The following LRP1B variants were observed in gnomAD, a reference collection of about 807,000 sequenced individuals.
The protein encoded by LRP1B is LDL receptor related protein 1B, also known as low-density lipoprotein receptor-related protein 1B.
LRP1B carries 217 observed loss-of-function variants against 556.6 expected under a neutral mutation model. The observed-to-expected ratio is 0.39, with a 90% CI of 0.35 to 0.44. The LOEUF (loss-of-function observed/expected upper bound fraction) is 0.44, where lower values mean the gene tolerates loss of function less well. LRP1B is among the 20% of genes least tolerant of loss of function. The pLI, the probability that LRP1B is intolerant of heterozygous loss-of-function variation, is 1.00. For missense variants in LRP1B, 5,053 were observed against 5,620.8 expected (o/e 0.90, Z 3.23); for synonymous variants, 2,047 against 1,865.8 (o/e 1.10, Z -2.50).
chr2:141,163,002 G>A (rs1003566336), intron 7 of LRP1B, among the ~76,000 whole-genome samples: 1 of 152,060 alleles, frequency 6.6e-6, no homozygotes, highest in African/African-American at 2.4e-5. Flanking sequence ...GGAGGAAAGA[G>A]GTTTGTCATC....
intron 27 of LRP1B, among the ~76,000 whole-genome samples, chr2:140,859,054 A>G (rs1692705484): frequency 6.6e-6 from 1 of 152,216 alleles, no homozygotes; most frequent in South Asian, 2.1e-4. Flanking sequence ...TTGTGAGCTC[A>G]AGTGATTTGC....
At chr2:141,048,473 A>C (rs1241806241) in intron 11 of LRP1B, among the ~76,000 whole-genome samples, 2 of 152,106 alleles carry the variant, frequency 1.3e-5, no homozygotes. Flanking sequence ...AAATGTTTTA[A>C]GTTTCTCTGG....
At chr2:141,839,313 T>G (rs1170846215) in intron 1 of LRP1B, among the ~76,000 whole-genome samples, 5 of 152,174 alleles carry the variant, frequency 3.3e-5, no homozygotes, top group African/African-American at 1.2e-4. Context: ...ACTAATGCTT[T>G]TATCAAGCCA....
chr2:140,588,356 T>C (rs1682071718), intron 43 of LRP1B, among the ~76,000 whole-genome samples: 1 of 152,198 alleles, frequency 6.6e-6, no homozygotes, highest in Non-Finnish European at 1.5e-5. Context: ...TAAATGGTGA[T>C]GCTTGTAGAC....
intron 43 of LRP1B, among the ~76,000 whole-genome samples, chr2:140,556,986 A>G (rs1318385055): frequency 6.6e-6 from 1 of 152,132 alleles, no homozygotes; most frequent in Non-Finnish European, 1.5e-5. Flanking sequence ...TAATATATCA[A>G]ATTAAAAGGC....
rs192928151 is a variant in LRP1B at position 141,985,517 on chromosome 2, G to T, written c.82+145131C>A. On this transcript the variant is annotated intron_variant, in intron 1 of 90. Coordinates refer to ENST00000389484, the MANE Select transcript of LRP1B (RefSeq NM_018557.3). ...AACAGACGAGAATTTTTATTTTTTT[G>T]GGGGGGGTATCTTTTCCATATTCAC... Among the ~76,000 whole-genome samples the T allele has an allele frequency of 1.1e-3, 107 of 99,366 alleles. 1 individual carries two copies. Among genetic ancestry groups the T allele is most frequent in the East Asian group, 1.8e-3 (7 of 3,978 alleles). 65.2% of individuals were successfully genotyped at this position (99,366 alleles called of 152,430 possible).
chr2:142,103,850 T>C (rs1477330479), intron 1 of LRP1B, among the ~76,000 whole-genome samples: 1 of 152,084 alleles, frequency 6.6e-6, no homozygotes, highest in East Asian at 1.9e-4. Flanking sequence ...CTACCGTGTA[T>C]AAGAAAAAGC....
At chr2:141,099,249 C>A (rs1328546660) in intron 7 of LRP1B, among the ~76,000 whole-genome samples, 1 of 152,058 alleles carries the variant, frequency 6.6e-6, no homozygotes, top group Non-Finnish European at 1.5e-5. Context: ...CTTAAAATAG[C>A]CTTTTTTCCT....
At chr2:141,109,842 C>T (rs1700703744) in intron 7 of LRP1B, among the ~76,000 whole-genome samples, 3 of 152,148 alleles carry the variant, frequency 2.0e-5, no homozygotes, top group Admixed American at 2.0e-4. Flanking sequence ...ACCCTGTCAG[C>T]TTTGATAGTG....
chr2:142,103,161 C>A (rs1706624879), intron 1 of LRP1B, among the ~76,000 whole-genome samples: 1 of 151,920 alleles, frequency 6.6e-6, no homozygotes, highest in Admixed American at 6.6e-5. Context: ...ATTTTGCTAA[C>A]AAGTTATCCA....
chr2:140,656,726 TG>T (rs1684892102), intron 41 of LRP1B, among the ~76,000 whole-genome samples: 1 of 152,136 alleles, frequency 6.6e-6, no homozygotes. Flanking sequence ...AAAAGTTTTT[TG>T]GGGTTCACTT....
intron 3 of LRP1B, among the ~76,000 whole-genome samples, chr2:141,314,588 G>A (rs1248502195): frequency 2.0e-5 from 3 of 151,472 alleles, no homozygotes; most frequent in Non-Finnish European, 4.4e-5. Flanking sequence ...TCAGGAGATC[G>A]AGACCATCTT....
At position 141,574,134 on chromosome 2, in the gene LRP1B, C is replaced by T. The variant is rs1010760027; in HGVS notation, c.206-93601G>A. Among the ~76,000 whole-genome samples the T allele has an allele frequency of 4.6e-5, 7 of 152,072 alleles. 1 individual carries two copies. Among genetic ancestry groups the T allele is most frequent in the African/African-American group, 7.2e-5 (3 of 41,410 alleles). ...TCCTGATACCAAAACCAGGAAGAGA[C>T]ACAACAAAAAAAGAGAACTTCAGGC... is the stretch of plus-strand genomic sequence containing the variant. On this transcript the variant is annotated intron_variant, in intron 2 of 90. Coordinates refer to ENST00000389484, the MANE Select transcript of LRP1B (RefSeq NM_018557.3).
In LRP1B at chr2:140,458,652, C is replaced by T. The variant is rs530168259; in HGVS notation, c.9626-1001G>A. ...TATTTCTAGTAATATTTACTTCTTT[C>T]TTAATTAGATTTTAATGACTGAAAA... is the stretch of plus-strand genomic sequence containing the variant. On this transcript the variant is annotated intron_variant, in intron 60 of 90. Coordinates refer to ENST00000389484, the MANE Select transcript of LRP1B (RefSeq NM_018557.3). Among the ~76,000 whole-genome samples the T allele has an allele frequency of 1.9e-3, 287 of 152,094 alleles. 2 individuals carry two copies. Among genetic ancestry groups the T allele is most frequent in the Middle Eastern group, 6.9e-3 (2 of 288 alleles).
chr2:140,474,045 G>A (rs183290129), intron 60 of LRP1B, among the ~76,000 whole-genome samples: 14 of 151,938 alleles, frequency 9.2e-5, no homozygotes, highest in Non-Finnish European at 1.8e-4. Context: ...CAACACCTAA[G>A]TAAGTGACTC....
intron 1 of LRP1B, among the ~76,000 whole-genome samples, chr2:141,905,763 AGATGTGTGTGTGTGTG>A (rs1337319613): frequency 2.6e-5 from 3 of 115,156 alleles, no homozygotes; most frequent in Admixed American, 2.5e-4. Context: ...TGGTTTGAAT[AGATGTGTGTGTGTGTG>A]TGTGTGTGTG....
At chr2:140,753,116 C>T (rs778831864) in intron 35 of LRP1B, among the ~76,000 whole-genome samples, 1 of 152,148 alleles carries the variant, frequency 6.6e-6, no homozygotes, top group East Asian at 1.9e-4. Context: ...AAGTAATCTA[C>T]ATCAAATCAT....
chr2:140,903,755 A>G (rs1342608278), intron 22 of LRP1B, among the ~76,000 whole-genome samples: 1 of 151,392 alleles, frequency 6.6e-6, no homozygotes, highest in South Asian at 2.1e-4. Flanking sequence ...TGCCTCATAT[A>G]TTGGTTATTA....
At chr2:141,045,314 A>T (rs2105439298) in intron 11 of LRP1B, among the ~76,000 whole-genome samples, 1 of 150,368 alleles carries the variant, frequency 6.7e-6, no homozygotes, top group Non-Finnish European at 1.5e-5. Context: ...AGATATACCT[A>T]ATGCTAGATG....
Sources: gnomAD v4.1 joint callset for allele counts (sites outside exome capture counted in the v4.1 genomes callset) on GRCh38, gnomAD v4.1.1 for gene constraint, MANE v1.5 for transcripts, NCBI Gene and HGNC (gene_info 2026-07-23, HGNC 2026-07-21) for gene names.